The following ATAD2B variants were observed in gnomAD, a reference collection of about 807,000 sequenced individuals.
ATAD2B encodes the protein ATPase family AAA domain-containing protein 2B.
In ATAD2B, 40 loss-of-function variants were observed where a neutral mutation model predicts 167.6. The ratio of observed to expected loss-of-function variants is 0.24; its 90% confidence interval spans 0.19 to 0.31. ATAD2B has a LOEUF of 0.31. Among genes scored for constraint, ATAD2B ranks in the 10% least tolerant of loss-of-function variants. The pLI, the probability that ATAD2B is intolerant of heterozygous loss-of-function variation, is 1.00. For synonymous variants in ATAD2B, 579 were observed against 596.5 expected, an observed-to-expected ratio of 0.97 and a Z score of 0.43; for missense variants, 1,242 against 1,757.2, an observed-to-expected ratio of 0.71 and a Z score of 5.24.
At chr2:23,727,101 A>G in the ATAD2B span, among the ~76,000 whole-genome samples, 56 of 152,234 alleles carry the variant, frequency 3.7e-4, no homozygotes, top group African/African-American at 1.3e-3. Flanking sequence ...AAATATAATA[A>G]TATATATAAG....
At chr2:23,788,714 A>T in intron 19 of ATAD2B, 67 bp from the exon 20 acceptor site, 22 of 1,273,938 alleles carry the variant, frequency 1.7e-5, no homozygotes, top group Non-Finnish European at 2.4e-5. Flanking sequence ...TATCATACCA[A>T]ATTGCAATGT....
At chr2:23,770,155 CA>C (rs112669537) in intron 22 of ATAD2B, among the ~76,000 whole-genome samples, 5,948 of 138,554 alleles carry the variant, frequency 0.043, 107 homozygotes, top group Admixed American at 0.051. Flanking sequence ...ACTAAAAATA[CA>C]AAAAAAAAAA....
At chr2:23,915,484 G>A (rs139409427) in intron 1 of ATAD2B, among the ~76,000 whole-genome samples, 9 of 148,342 alleles carry the variant, frequency 6.1e-5, no homozygotes, top group African/African-American at 1.7e-4. Flanking sequence ...AAAAAAAAGC[G>A]TATTGCTATA....
At chr2:23,923,709 G>T (rs1704288049) in intron 1 of ATAD2B, among the ~76,000 whole-genome samples, 1 of 151,374 alleles carries the variant, frequency 6.6e-6, no homozygotes, top group Non-Finnish European at 1.5e-5. Context: ...CCAATAATCG[G>T]CAGAATGCAT....
At chr2:23,839,165 A>G (rs1463500820) in intron 13 of ATAD2B, among the ~76,000 whole-genome samples, 1 of 152,134 alleles carries the variant, frequency 6.6e-6, no homozygotes, top group African/African-American at 2.4e-5. Context: ...CAATTCCTAC[A>G]TACATAATTG....
chr2:23,863,917 T>C (rs1694784381), intron 11 of ATAD2B, among the ~76,000 whole-genome samples: 1 of 152,184 alleles, frequency 6.6e-6, no homozygotes, highest in African/African-American at 2.4e-5. Flanking sequence ...CTTAAAAACG[T>C]GAAAAATAAA....
intron 19 of ATAD2B, among the ~76,000 whole-genome samples, chr2:23,796,150 T>C (rs1045973467): frequency 6.6e-6 from 1 of 152,140 alleles, no homozygotes; most frequent in Non-Finnish European, 1.5e-5. Flanking sequence ...GTATAAAACA[T>C]GTTATATAAT....
At chr2:23,921,205 C>CA (rs61004964) in intron 1 of ATAD2B, among the ~76,000 whole-genome samples, 17,228 of 32,888 alleles carry the variant, frequency 0.52, 5,413 homozygotes, top group East Asian at 0.68. Flanking sequence ...GACTCCATCT[C>CA]AAAAAAAAAA....
rs1680765226 is a variant in ATAD2B, at chr2:23,786,081, C to T, written c.2919G>A (p.Arg973=). 1 of 1,612,172 alleles carries T rather than the reference C, an allele frequency of 6.2e-7. No homozygotes were observed. Among genetic ancestry groups the T allele is most frequent in the African/African-American group, 1.3e-5 (1 of 74,960 alleles). ...LRLFLRDVTK[R]LATDKRFNIF... ...TGTTAAAGCGTTTATCTGTGGCCAGCCTCTTGGTTACATCCCTGAGAAACA... is the reference window on the plus strand; with the variant it reads ...TGTTAAAGCGTTTATCTGTGGCCAGTCTCTTGGTTACATCCCTGAGAAACA... Residue 973 remains arginine (R), a synonymous_variant, in exon 21 of 28, where the codon AGG becomes AGA. Coordinates refer to ENST00000238789, the MANE Select transcript of ATAD2B (RefSeq NM_017552.4).
intron 10 of ATAD2B, 28 bp downstream of exon 10, chr2:23,867,807 C>A: frequency 6.6e-7 from 1 of 1,513,756 alleles, no homozygotes; most frequent in Non-Finnish European, 9.0e-7. Flanking sequence ...AAAAAGAAAA[C>A]TTCTAGAAAA....
chr2:23,821,789 G>A (rs779627124), intron 16 of ATAD2B, among the ~76,000 whole-genome samples: 1 of 152,056 alleles, frequency 6.6e-6, no homozygotes, highest in Admixed American at 6.6e-5. Flanking sequence ...TCCTGTAAAT[G>A]AGTGATGTTT....
chr2:23,700,823 C>T, the ATAD2B span, among the ~76,000 whole-genome samples: 1 of 152,140 alleles, frequency 6.6e-6, no homozygotes, highest in African/African-American at 2.4e-5. The surrounding 1 kb of genome is among the most constrained non-coding windows in gnomAD (Gnocchi z 4.6). Context: ...ATCCTTGAAG[C>T]CCTCACCTTC....
At chr2:23,696,734 G>A in the ATAD2B span, 1 of 482,748 alleles carries the variant, frequency 2.1e-6, no homozygotes. This position sits in a 1 kb window ranked among gnomAD's most constrained non-coding sequence, Gnocchi z 5.5. Context: ...TGCAGTCGCT[G>A]AGATGGGAGA....
intron 12 of ATAD2B, among the ~76,000 whole-genome samples, chr2:23,860,939 C>T (rs1694251277): frequency 6.6e-6 from 1 of 152,096 alleles, no homozygotes; most frequent in African/African-American, 2.4e-5. Flanking sequence ...CCATTGCACT[C>T]CAGCCCGGGC....
chr2:23,898,516 A>C (rs1020655237), intron 1 of ATAD2B, among the ~76,000 whole-genome samples: 9 of 152,170 alleles, frequency 5.9e-5, no homozygotes, highest in Non-Finnish European at 1.5e-5. Flanking sequence ...TTGATGTCAT[A>C]TGTCTTCCTA....
chr2:23,834,944 A>C (rs1327806755), intron 13 of ATAD2B, among the ~76,000 whole-genome samples: 1 of 152,206 alleles, frequency 6.6e-6, no homozygotes, highest in Non-Finnish European at 1.5e-5. Context: ...ACATTTCTCC[A>C]AAGACGATAC....
intron 1 of ATAD2B, among the ~76,000 whole-genome samples, chr2:23,910,951 G>A (rs924773098): frequency 1.3e-5 from 2 of 152,092 alleles, no homozygotes; most frequent in African/African-American, 4.8e-5. Context: ...CATAGGCCGG[G>A]TGCAGCAGCT....
At chr2:23,786,292 C>T in intron 20 of ATAD2B, 69 bp from the exon 21 acceptor site, 1 of 1,262,926 alleles carries the variant, frequency 7.9e-7, no homozygotes, top group Non-Finnish European at 1.1e-6. Flanking sequence ...GGCATTCTCT[C>T]AAAATGTTCT....
chr2:23,760,246 T>A (rs1676481341), intron 24 of ATAD2B, among the ~76,000 whole-genome samples: 1 of 152,204 alleles, frequency 6.6e-6, no homozygotes, highest in Non-Finnish European at 1.5e-5. Context: ...TTTGGCAAAA[T>A]AAGAGAAACA....
Sources: allele counts gnomAD v4.1 joint callset (sites outside exome capture counted in the v4.1 genomes callset), GRCh38; gene constraint gnomAD v4.1.1; non-coding constraint Gnocchi (gnomAD v3.1); transcripts MANE v1.5; gene names NCBI Gene and HGNC (gene_info 2026-07-23, HGNC 2026-07-21).